Variants in EIF4G1 observed in about 807,000 individuals in gnomAD.
EIF4G1 encodes eukaryotic translation initiation factor 4 gamma 1.
A neutral mutation model predicts 187.8 loss-of-function variants in EIF4G1; 4 were observed. The observed-to-expected ratio is 0.02, with a 90% CI of 0.01 to 0.05. The LOEUF (loss-of-function observed/expected upper bound fraction) is 0.05, where lower values mean the gene tolerates loss of function less well. EIF4G1 is among the 10% of genes least tolerant of loss of function. The pLI, the probability that EIF4G1 is intolerant of heterozygous loss-of-function variation, is 1.00. For missense variants in EIF4G1, 1,647 were observed against 2,081.1 expected (o/e 0.79, Z 4.06); for synonymous variants, 844 against 781.4 (o/e 1.08, Z -1.34).
At position 184,317,805 on chromosome 3, in the gene EIF4G1, T is replaced by A. The variant is rs1173704577; in HGVS notation, c.413T>A (p.Phe138Tyr). Residue 138 changes from phenylalanine to tyrosine, a missense_variant, in exon 6 of 33, where the codon TTT becomes TAT. Physicochemically the swap from Phe to Tyr is conservative, Grantham distance 22. Coordinates refer to ENST00000346169, the MANE Select transcript of EIF4G1 (RefSeq NM_198241.3). ...GFYPGASPTE[F>Y]GTYAGAYYPA... ...TATCCAGGTGCAAGCCCTACAGAAT[T>A]TGGGACCTACGGTAAGCAGGGGAGG... 1 of 1,613,628 alleles carries A rather than the reference T, an allele frequency of 6.2e-7. No individual in the cohort carries two copies. Among genetic ancestry groups the A allele is most frequent in the Admixed American group, 1.7e-5 (1 of 60,022 alleles).
At chr3:184,319,876 C>G in intron 7 of EIF4G1, 75 bp downstream of exon 7, 2 of 1,101,120 alleles carry the variant, frequency 1.8e-6, no homozygotes, top group Non-Finnish European at 2.7e-6. Context: ...GACATTGTGC[C>G]GGAAAGAGCA....
Position 184,334,114 on chromosome 3 carries a change from C to G in EIF4G1, c.4619-613C>G, listed in dbSNP as rs1343098834. Among the ~76,000 whole-genome samples the G allele has an allele frequency of 6.6e-6, 1 of 152,096 alleles. No individual in the cohort carries two copies. The highest frequency in any genetic ancestry group is 1.5e-5 in the Non-Finnish European group (1 of 68,030). On this transcript the variant is annotated intron_variant, in intron 32 of 32. Coordinates refer to ENST00000346169, the MANE Select transcript of EIF4G1 (RefSeq NM_198241.3). The surrounding 1 kb of genome is among the most constrained non-coding windows in gnomAD (Gnocchi z 5.8). ...GTTGTGTTTCAGGGGTTATAGGACA[C>G]GTTGCTTGGGAAGGCTACCCAGCAG...
chr3:184,329,483 T>C (rs917275702), intron 28 of EIF4G1, among the ~76,000 whole-genome samples: 4 of 152,030 alleles, frequency 2.6e-5, no homozygotes, highest in Admixed American at 2.0e-4. Context: ...ACACAAAAAT[T>C]AGCCGTGTTG....
At position 184,319,783 on chromosome 3, in the gene EIF4G1, C is replaced by T; in HGVS notation, c.519C>T (p.Pro173=). 1 of 1,603,358 alleles carries T rather than the reference C, an allele frequency of 6.2e-7. No homozygotes were observed. The highest frequency in any genetic ancestry group is 8.5e-7 in the Non-Finnish European group (1 of 1,175,026). The change falls in exon 7 of 33, where the codon CCC becomes CCT. Residue 173 remains proline, a synonymous_variant. Transcript: ENST00000346169. ...VLMNQPPQIA[P]KRERKTIRIR... ...TGAACCAGCCACCCCAGATTGCTCC[C>T]AAGAGGGAGCGTAAGACGGTGAGTA... is the stretch of plus-strand genomic sequence containing the variant.
intron 32 of EIF4G1, among the ~76,000 whole-genome samples, chr3:184,333,839 G>A (rs138887233): frequency 1.5e-3 from 230 of 152,284 alleles, no homozygotes; most frequent in East Asian, 1.4e-3. Context: ...GTGCATAATC[G>A]ATTGGATGGG....
intron 17 of EIF4G1, 51 bp downstream of exon 17, chr3:184,324,398 A>C: frequency 1.9e-6 from 3 of 1,612,650 alleles, no homozygotes; most frequent in Non-Finnish European, 2.5e-6. Flanking sequence ...TCCTTCCCTT[A>C]CCCAGATGCT....
At chr3:184,320,813 A>G in intron 8 of EIF4G1, 91 bp downstream of exon 8, 1 of 1,607,426 alleles carries the variant, frequency 6.2e-7, no homozygotes, top group Non-Finnish European at 8.5e-7. Context: ...CAACTAAGGG[A>G]TTTATTTCCC....
At chr3:184,320,311 G>T in intron 7 of EIF4G1, 1 of 1,290,032 alleles carries the variant, frequency 7.8e-7, no homozygotes, top group Non-Finnish European at 9.9e-7. Flanking sequence ...AGCCGATTGG[G>T]TTCTAGATGG....
At chr3:184,326,113 A>T (rs569777563) in intron 21 of EIF4G1, among the ~76,000 whole-genome samples, 162 bp downstream of exon 21, 9 of 151,094 alleles carry the variant, frequency 6.0e-5, no homozygotes, top group African/African-American at 1.5e-4. Flanking sequence ...TGGTACTCCC[A>T]TTAGTCTGGA....
Position 184,323,281 on chromosome 3 carries a change from G to C in EIF4G1, c.2088+40G>C, listed in dbSNP as rs921375413. The C allele has an allele frequency of 3.1e-6, 5 of 1,613,338 alleles. No individual in the cohort carries two copies. In the African/African-American group the frequency reaches 6.7e-5, roughly 22 times the overall value. The stretch of plus-strand genomic sequence containing the variant: ...GTAAAGTGGCAGGTGGGCAAGGAGT[G>C]GGAGTGGATGATTCCGTGTCTCAGT... On this transcript the variant is annotated intron_variant, in intron 14 of 32. Coordinates refer to ENST00000346169, the MANE Select transcript of EIF4G1 (RefSeq NM_198241.3). The surrounding 1 kb of genome is among the most constrained non-coding windows in gnomAD (Gnocchi z 6.9).
At chr3:184,324,817 A>G in intron 17 of EIF4G1, 61 bp from the exon 18 acceptor site, 5 of 1,577,942 alleles carry the variant, frequency 3.2e-6, no homozygotes, top group Non-Finnish European at 4.3e-6. Flanking sequence ...CCAGGTAGAA[A>G]AGGGTTTTAG....
At chr3:184,319,577 G>A (rs1723487726) in intron 6 of EIF4G1, 112 bp from the exon 7 acceptor site, 2 of 757,716 alleles carry the variant, frequency 2.6e-6, no homozygotes, top group Admixed American at 2.0e-5. Context: ...GGCAAGGCAA[G>A]GGGCCGGCTG....
At chr3:184,326,799 C>T (rs1725014777) in intron 22 of EIF4G1, 82 bp from the exon 23 acceptor site, 2 of 1,565,462 alleles carry the variant, frequency 1.3e-6, no homozygotes, top group East Asian at 2.2e-5. Flanking sequence ...GGGACTGGGA[C>T]CAAGTGTCCT....
At chr3:184,320,804 A>C in intron 8 of EIF4G1, 82 bp downstream of exon 8, 2 of 1,608,838 alleles carry the variant, frequency 1.2e-6, no homozygotes, top group Non-Finnish European at 1.7e-6. Context: ...CTTTTCTTTC[A>C]ACTAAGGGAT....
At chr3:184,316,842 T>G (rs1722883114) in intron 4 of EIF4G1, 3 of 1,236,014 alleles carry the variant, frequency 2.4e-6, no homozygotes, top group East Asian at 2.3e-5. Context: ...GTGACTTGTT[T>G]GGTGTCCAGG....
In EIF4G1 at chr3:184,327,357, G is replaced by A. The variant is rs990476580; in HGVS notation, c.3570G>A (p.Val1190=). Residue 1190 remains valine, a synonymous_variant, in exon 24 of 33, where the codon GTG becomes GTA. Transcript: ENST00000346169. ...CCAAGCGGAGCTTCAGCAAGGAAGT[G>A]GAGGAGCGGAGTAGAGAACGGCCCT... The part of the protein sequence containing the change: ...PATKRSFSKE[V]EERSRERPSQ... 4.3e-6 allele frequency: 7 copies of A among 1,613,590 alleles called. No homozygotes were observed. The highest frequency in any genetic ancestry group is 1.3e-5 in the African/African-American group (1 of 74,950).
Position 184,324,386 on chromosome 3 carries a change from C to T in EIF4G1, c.2619+39C>T, listed in dbSNP as rs140533284. 36 of 1,613,814 alleles carry T rather than the reference C, an allele frequency of 2.2e-5. No homozygotes were observed. The South Asian group carries it at 3.8e-4, about 17-fold the overall frequency. On this transcript the variant is annotated intron_variant, in intron 17 of 32. Transcript: ENST00000346169. ...CACTATCGATTCCACTCACCACTTA[C>T]CTCCTTCCCTTACCCAGATGCTACT...
rs763824616 is a variant in EIF4G1 at position 184,327,964 on chromosome 3, C to A, written c.3915C>A (p.Leu1305=). Residue 1305 remains leucine (L), a synonymous_variant, in exon 26 of 33, where the codon CTC becomes CTA. Coordinates refer to ENST00000346169, the MANE Select transcript of EIF4G1 (RefSeq NM_198241.3). ...TGGGGCAGCTGCTGCACCAGCTGCT[C>A]TGTGCTGGGCATCTGTCTACTGCTC... The part of the protein sequence containing the change: ...EHMGQLLHQL[L]CAGHLSTAQY... The A allele has an allele frequency of 6.2e-7, 1 of 1,609,798 alleles. No individual in the cohort carries two copies. Among genetic ancestry groups the A allele is most frequent in the Non-Finnish European group, 8.5e-7 (1 of 1,180,012 alleles).
At chr3:184,316,009 CGG>C in intron 3 of EIF4G1, 121 bp from the exon 4 acceptor site, 1 of 1,535,714 alleles carries the variant, frequency 6.5e-7, no homozygotes, top group Non-Finnish European at 8.8e-7. Flanking sequence ...GGGGCTGTCA[CGG>C]GGAGGGGGTA....
Sources: allele counts gnomAD v4.1 joint callset (sites outside exome capture counted in the v4.1 genomes callset), GRCh38; gene constraint gnomAD v4.1.1; non-coding constraint Gnocchi (gnomAD v3.1); transcripts MANE v1.5; gene names NCBI Gene and HGNC (gene_info 2026-07-23, HGNC 2026-07-21).